The following ITSN1 variants were observed in gnomAD, a reference collection of about 807,000 sequenced individuals.
The protein encoded by ITSN1 is intersectin-1.
In ITSN1, 58 loss-of-function variants were observed where a neutral mutation model predicts 239.8. The ratio of observed to expected loss-of-function variants is 0.24; its 90% CI spans 0.20 to 0.30. The LOEUF (loss-of-function observed/expected upper bound fraction) is 0.30, where lower values mean the gene tolerates loss of function less well. Ranked by LOEUF, ITSN1 falls within the 10% of genes least tolerant of loss-of-function variation. The pLI, the probability that ITSN1 is intolerant of heterozygous loss-of-function variation, is 1.00. For synonymous variants in ITSN1, 780 were observed against 770.8 expected, an observed-to-expected ratio of 1.01 and a Z score of -0.20; for missense variants, 1,558 against 2,103.3, an observed-to-expected ratio of 0.74 and a Z score of 5.07.
intron 20 of ITSN1, among the ~76,000 whole-genome samples, chr21:33,804,359 C>G (rs1039850375): frequency 6.6e-6 from 1 of 152,140 alleles, no homozygotes; most frequent in African/African-American, 2.4e-5. Context: ...TAGCACTATT[C>G]TCAGCACTGT....
At chr21:33,659,776 G>A (rs1049002581) in intron 1 of ITSN1, among the ~76,000 whole-genome samples, 4 of 128,786 alleles carry the variant, frequency 3.1e-5, no homozygotes, top group Non-Finnish European at 4.7e-5. Context: ...GCAGTGAGAT[G>A]ATCATTGATC....
Position 33,676,011 on chromosome 21 carries a change from A to G in ITSN1, c.-33+33298A>G, listed in dbSNP as rs554022651. 8.0e-5 allele frequency among the ~76,000 whole-genome samples: 12 copies of G among 150,294 alleles called. No individual in the cohort carries two copies. The South Asian group carries it at 1.9e-3, about 24-fold the overall frequency. On this transcript the variant is annotated intron_variant, in intron 1 of 39. Coordinates refer to ENST00000381318, the MANE Select transcript of ITSN1 (RefSeq NM_003024.3). ...GTTTTAAGTGTTTCATAGAAGTGCC[A>G]TCCACTATGATTTTCCTTTTTTTTG... is the stretch of plus-strand genomic sequence containing the variant.
intron 33 of ITSN1, among the ~76,000 whole-genome samples, chr21:33,873,290 ATTGT>A (rs1276250772): frequency 6.6e-6 from 1 of 152,212 alleles, no homozygotes; most frequent in Non-Finnish European, 1.5e-5. Flanking sequence ...GGCCATTTAC[ATTGT>A]TTGTATGTGG....
intron 36 of ITSN1, among the ~76,000 whole-genome samples, chr21:33,883,894 G>GTTTT (rs34448559): frequency 0.011 from 1,217 of 109,714 alleles, 38 homozygotes; most frequent in Admixed American, 0.036. Context: ...TTTTGCTTGA[G>GTTTT]TTTTTTTTTT....
chr21:33,703,124 T>C (rs2092101645), intron 1 of ITSN1, among the ~76,000 whole-genome samples: 1 of 150,378 alleles, frequency 6.6e-6, no homozygotes, highest in Admixed American at 6.7e-5. Flanking sequence ...TATACACATA[T>C]ATACGTATAT....
At chr21:33,660,812 A>G (rs988889379) in intron 1 of ITSN1, among the ~76,000 whole-genome samples, 3 of 152,208 alleles carry the variant, frequency 2.0e-5, no homozygotes, top group African/African-American at 4.8e-5. Flanking sequence ...ATCCTCTGTT[A>G]CAATAAAATC....
rs531598518 is a variant in ITSN1, at chr21:33,738,646, C to T, written c.346+3442C>T. Among the ~76,000 whole-genome samples, 148 of 152,220 alleles carry T rather than the reference C, an allele frequency of 9.7e-4. 1 individual carries two copies. The highest frequency in any genetic ancestry group is 2.5e-3 in the South Asian group (12 of 4,814). On this transcript the variant is annotated intron_variant, in intron 5 of 39. Transcript: ENST00000381318. ...TGAACTCCTGACCTTGTGATCCACC[C>T]GCCTCGGCCTCCCAAACTCCTGGCA...
intron 14 of ITSN1, among the ~76,000 whole-genome samples, chr21:33,777,361 T>A (rs1333858215): frequency 6.6e-6 from 1 of 152,234 alleles, no homozygotes; most frequent in African/African-American, 2.4e-5. Flanking sequence ...TGTTGATACC[T>A]AATTTTTGAA....
intron 29 of ITSN1, among the ~76,000 whole-genome samples, chr21:33,840,057 T>C (rs1431811800): frequency 6.6e-6 from 1 of 152,244 alleles, no homozygotes; most frequent in African/African-American, 2.4e-5. Context: ...CGGTAACTCC[T>C]GTTGAATAAA....
intron 1 of ITSN1, among the ~76,000 whole-genome samples, chr21:33,654,739 G>T (rs1297776549): frequency 6.6e-6 from 1 of 152,196 alleles, no homozygotes; most frequent in African/African-American, 2.4e-5. Context: ...GGAGTTATAA[G>T]CAGTTATGTT....
intron 1 of ITSN1, among the ~76,000 whole-genome samples, chr21:33,673,987 T>G (rs946750140): frequency 6.6e-6 from 1 of 152,256 alleles, no homozygotes; most frequent in Non-Finnish European, 1.5e-5. Context: ...ATAGTTGTAT[T>G]TCTTCTAGAT....
intron 1 of ITSN1, among the ~76,000 whole-genome samples, chr21:33,694,343 T>G (rs1310740243): frequency 6.6e-6 from 1 of 152,244 alleles, no homozygotes; most frequent in African/African-American, 2.4e-5. Flanking sequence ...GTTTCATAAT[T>G]TACCTAACTG....
chr21:33,676,711 C>T (rs2146454315), intron 1 of ITSN1, among the ~76,000 whole-genome samples: 1 of 152,278 alleles, frequency 6.6e-6, no homozygotes, highest in Non-Finnish European at 1.5e-5. Context: ...TGGAAAAAGC[C>T]ACTAAGTGTC....
intron 10 of ITSN1, 61 bp downstream of exon 10, chr21:33,766,073 T>C: frequency 2.5e-6 from 4 of 1,569,860 alleles, no homozygotes; most frequent in Non-Finnish European, 3.5e-6. Flanking sequence ...CAAACTTGGC[T>C]TTATTGACTA....
intron 1 of ITSN1, among the ~76,000 whole-genome samples, chr21:33,697,854 T>C (rs1438420544): frequency 1.3e-5 from 2 of 152,216 alleles, no homozygotes; most frequent in Non-Finnish European, 2.9e-5. Flanking sequence ...CTCTCCTATC[T>C]GCATCTGTAG....
chr21:33,744,463 CATCT>C (rs1374766330), intron 5 of ITSN1, among the ~76,000 whole-genome samples: 2 of 152,112 alleles, frequency 1.3e-5, no homozygotes, highest in African/African-American at 2.4e-5. Context: ...TTCATCTATC[CATCT>C]ATTTGTCTCC....
chr21:33,851,326 C>T lies in ITSN1; in HGVS notation c.3662-5410C>T, dbSNP rs1037236041. ...CCCTCGAGGAAGCCTCCCCTTAGCACGAGGAGTTGCTCCCTTCTGAGGTCC... is the reference window on the plus strand; with the variant it reads ...CCCTCGAGGAAGCCTCCCCTTAGCATGAGGAGTTGCTCCCTTCTGAGGTCC... On this transcript the variant is annotated intron_variant, in intron 29 of 39. Transcript: ENST00000381318. Among the ~76,000 whole-genome samples the T allele has an allele frequency of 4.1e-4, 63 of 152,306 alleles. 1 individual carries two copies. Among genetic ancestry groups the T allele is most frequent in the African/African-American group, 1.4e-3 (58 of 41,562 alleles).
In ITSN1 at chr21:33,886,321, T is replaced by C. The variant is rs761212977; in HGVS notation, c.4878T>C (p.Gly1626=). ...ACCCGTACTGTGAGGTGACCATGGG[T>C]TCCCAGTGCCACATCACCAAGACGA... ...KSNPYCEVTM[G]SQCHITKTIQ... is the part of the protein sequence containing the mutation. Residue 1626 remains glycine (G), a synonymous_variant, in exon 39 of 40, where the codon GGT becomes GGC. Transcript: ENST00000381318. 1.2e-6 allele frequency: 2 copies of C among 1,613,696 alleles called. No individual in the cohort carries two copies. The highest frequency in any genetic ancestry group is 2.2e-5 in the East Asian group (1 of 44,862).
intron 16 of ITSN1, among the ~76,000 whole-genome samples, chr21:33,789,345 A>G (rs1482458357): frequency 1.3e-5 from 2 of 152,148 alleles, no homozygotes; most frequent in Non-Finnish European, 1.5e-5. Flanking sequence ...TAATGAGGTC[A>G]ATTTAATATT....
Sources: gnomAD v4.1 joint callset for allele counts (sites outside exome capture counted in the v4.1 genomes callset) on GRCh38, gnomAD v4.1.1 for gene constraint, MANE v1.5 for transcripts, NCBI Gene and HGNC (gene_info 2026-07-23, HGNC 2026-07-21) for gene names.